CSNK1G3: variants seen among roughly 807,000 people sequenced by gnomAD.
CSNK1G3 encodes casein kinase I isoform gamma-3.
In CSNK1G3, 23 loss-of-function variants were observed where a neutral mutation model predicts 64.3. The observed-to-expected ratio is 0.36, with a 90% CI of 0.26 to 0.51. CSNK1G3 has a LOEUF of 0.51. Ranked by LOEUF, CSNK1G3 falls within the 20% of genes least tolerant of loss-of-function variation. The probability of loss-of-function intolerance (pLI) is 0.96; values close to 1 mark genes in which losing one functional copy is unlikely to be tolerated. For missense variants in CSNK1G3, 357 were observed against 510.5 expected (o/e 0.70, Z 2.90); for synonymous variants, 158 against 162.2 (o/e 0.97, Z 0.20).
chr5:123,605,625 AC>A (rs1220850969), intron 12 of CSNK1G3, among the ~76,000 whole-genome samples: 5 of 151,970 alleles, frequency 3.3e-5, no homozygotes, highest in African/African-American at 1.2e-4. Context: ...TGATACACCA[AC>A]CCTGCTTGTG....
At chr5:123,582,301 A>G (rs1431540381) in intron 6 of CSNK1G3, among the ~76,000 whole-genome samples, 2 of 152,084 alleles carry the variant, frequency 1.3e-5, no homozygotes, top group Non-Finnish European at 2.9e-5. Flanking sequence ...GCTTTCCAAA[A>G]TGAAAAAAAT....
intron 5 of CSNK1G3, among the ~76,000 whole-genome samples, chr5:123,575,148 G>A (rs1788923487): frequency 6.6e-6 from 1 of 152,096 alleles, no homozygotes; most frequent in Non-Finnish European, 1.5e-5. Flanking sequence ...TAATATTAGA[G>A]TTGGATTTCA....
intron 12 of CSNK1G3, among the ~76,000 whole-genome samples, chr5:123,610,596 G>T (rs1409616270): frequency 6.6e-6 from 1 of 152,160 alleles, no homozygotes; most frequent in Non-Finnish European, 1.5e-5. Context: ...TGTGTTTTAG[G>T]ACTTTGATCC....
chr5:123,563,013 A>T (rs1561527118), intron 4 of CSNK1G3, among the ~76,000 whole-genome samples: 1 of 152,214 alleles, frequency 6.6e-6, no homozygotes, highest in East Asian at 1.9e-4. Context: ...TCTCAGTAAC[A>T]CTTCTTAATT....
intron 4 of CSNK1G3, among the ~76,000 whole-genome samples, chr5:123,571,122 T>C (rs1380466530): frequency 6.6e-6 from 1 of 152,000 alleles, no homozygotes; most frequent in African/African-American, 2.4e-5. Context: ...CAAGAGGAGA[T>C]GGGACAAGCG....
chr5:123,544,128 A>G (rs1213500227), intron 1 of CSNK1G3, among the ~76,000 whole-genome samples: 2 of 152,162 alleles, frequency 1.3e-5, no homozygotes, highest in African/African-American at 2.4e-5. Context: ...AGAAAAGTGC[A>G]GGTTAGCTCA....
chr5:123,562,248 ATCT>A (rs1432805695), intron 4 of CSNK1G3, among the ~76,000 whole-genome samples: 8 of 152,088 alleles, frequency 5.3e-5, no homozygotes, highest in South Asian at 2.1e-4. Context: ...TCTCCAGAAA[ATCT>A]TCTTATTTGA....
At chr5:123,525,789 C>G (rs1052415615) in intron 1 of CSNK1G3, among the ~76,000 whole-genome samples, 1 of 151,516 alleles carries the variant, frequency 6.6e-6, no homozygotes, top group Non-Finnish European at 1.5e-5. Flanking sequence ...GTCAGGAGAT[C>G]GAGACTGTCC....
chr5:123,535,055 A>C (rs1289519712), intron 1 of CSNK1G3, among the ~76,000 whole-genome samples: 1 of 152,100 alleles, frequency 6.6e-6, no homozygotes. Flanking sequence ...ATTGGTAATA[A>C]AAAATAAGTA....
chr5:123,573,880 T>C (rs1788610945), intron 5 of CSNK1G3, among the ~76,000 whole-genome samples: 1 of 151,496 alleles, frequency 6.6e-6, no homozygotes. Flanking sequence ...GACGGAGTCT[T>C]GCTTTGTTGT....
chr5:123,607,908 T>C (rs372100535), intron 12 of CSNK1G3, among the ~76,000 whole-genome samples: 1 of 152,286 alleles, frequency 6.6e-6, no homozygotes, highest in East Asian at 1.9e-4. Context: ...TCTACACGTT[T>C]GTTATTGTGT....
chr5:123,612,516 CGCCCAG>C (rs1363988970), intron 12 of CSNK1G3, among the ~76,000 whole-genome samples: 1 of 148,954 alleles, frequency 6.7e-6, no homozygotes, highest in African/African-American at 2.5e-5. Flanking sequence ...CTCACTCTGT[CGCCCAG>C]GCTGGAGTGC....
At chr5:123,612,551 C>T (rs1032804287) in intron 12 of CSNK1G3, among the ~76,000 whole-genome samples, 2 of 151,036 alleles carry the variant, frequency 1.3e-5, no homozygotes, top group Non-Finnish European at 2.9e-5. Flanking sequence ...GACCTTGGCT[C>T]ACTGCAACCT....
At chr5:123,526,245 A>G (rs888557108) in intron 1 of CSNK1G3, among the ~76,000 whole-genome samples, 6 of 151,870 alleles carry the variant, frequency 4.0e-5, no homozygotes, top group Non-Finnish European at 8.8e-5. Flanking sequence ...TTTTGTAGAC[A>G]CAGGGTCTTG....
At chr5:123,513,618 G>A (rs1776634895) in intron 1 of CSNK1G3, among the ~76,000 whole-genome samples, 1 of 151,910 alleles carries the variant, frequency 6.6e-6, no homozygotes, top group Non-Finnish European at 1.5e-5. Flanking sequence ...TTTACTTTTT[G>A]CAATTACTTA....
chr5:123,614,533 A>G (rs952446046), exon 13 of CSNK1G3: 4 of 631,900 alleles, frequency 6.3e-6, no homozygotes, highest in Admixed American at 6.6e-5. Context: ...TTCATACTTC[A>G]TTTTGTGGTT....
intron 10 of CSNK1G3, among the ~76,000 whole-genome samples, chr5:123,592,588 G>A (rs1028780041): frequency 7.9e-5 from 12 of 151,896 alleles, no homozygotes; most frequent in Middle Eastern, 6.8e-3. Context: ...ATAGTATGCC[G>A]TCCTTTTTGA....
At chr5:123,599,365 A>G (rs976228845) in intron 10 of CSNK1G3, among the ~76,000 whole-genome samples, 1 of 152,208 alleles carries the variant, frequency 6.6e-6, no homozygotes, top group Non-Finnish European at 1.5e-5. Flanking sequence ...AATGGTGCAG[A>G]TATGTTGTGC....
At chr5:123,563,307 A>G (rs995968795) in intron 4 of CSNK1G3, among the ~76,000 whole-genome samples, 2 of 151,970 alleles carry the variant, frequency 1.3e-5, no homozygotes, top group Non-Finnish European at 2.9e-5. Context: ...TCCTTGGACT[A>G]TGTAGTTCTA....
Sources: gnomAD v4.1 joint callset for allele counts (sites outside exome capture counted in the v4.1 genomes callset) on GRCh38, gnomAD v4.1.1 for gene constraint, MANE v1.5 for transcripts, NCBI Gene and HGNC (gene_info 2026-07-23, HGNC 2026-07-21) for gene names.